DAB1: variants seen among roughly 807,000 people sequenced by gnomAD.
DAB1 encodes DAB adaptor protein 1, also known as disabled homolog 1.
In DAB1, 15 loss-of-function variants were observed where a neutral mutation model predicts 64.6. That is an observed-to-expected ratio of 0.23 (90% CI 0.16 to 0.36). The LOEUF (loss-of-function observed/expected upper bound fraction) is 0.36, where lower values mean the gene tolerates loss of function less well. Ranked by LOEUF, DAB1 falls within the 10% of genes least tolerant of loss-of-function variation. The pLI is 1.00. For synonymous variants in DAB1, 235 were observed against 251.9 expected (o/e 0.93, Z 0.64); for missense variants, 596 against 706.7 (o/e 0.84, Z 1.78).
chr1:57,102,241 C>G (rs901197287), intron 4 of DAB1, among the ~76,000 whole-genome samples: 1 of 152,140 alleles, frequency 6.6e-6, no homozygotes, highest in Non-Finnish European at 1.5e-5. Flanking sequence ...TTTCTCTGAG[C>G]CATCACAAAC....
At chr1:57,638,417 T>C (rs1646086215) in intron 7 of DAB1, among the ~76,000 whole-genome samples, 1 of 152,246 alleles carries the variant, frequency 6.6e-6, no homozygotes, top group African/African-American at 2.4e-5. Flanking sequence ...TGAGATCTGC[T>C]GAGAATGATG....
intron 9 of DAB1, among the ~76,000 whole-genome samples, chr1:57,029,737 G>C (rs1180645246): frequency 6.6e-6 from 1 of 152,190 alleles, no homozygotes; most frequent in Non-Finnish European, 1.5e-5. Context: ...AGACTTGCAT[G>C]GGCCCTGTAA....
At chr1:57,033,503 G>T in intron 9 of DAB1, 1 of 1,612,802 alleles carries the variant, frequency 6.2e-7, no homozygotes, top group Non-Finnish European at 8.5e-7. Flanking sequence ...CAGTTAACCA[G>T]AGAGGGCTGT....
At chr1:57,907,552 T>A (rs1455485860) in intron 5 of DAB1, among the ~76,000 whole-genome samples, 1 of 152,186 alleles carries the variant, frequency 6.6e-6, no homozygotes, top group Non-Finnish European at 1.5e-5. Context: ...GCAATGTATA[T>A]GTATTAGCTG....
At chr1:58,126,514 G>C (rs930138829) in intron 5 of DAB1, among the ~76,000 whole-genome samples, 9 of 149,958 alleles carry the variant, frequency 6.0e-5, no homozygotes, top group African/African-American at 2.2e-4. Flanking sequence ...GTGCAGGTTA[G>C]TTACATATGT....
intron 4 of DAB1, among the ~76,000 whole-genome samples, chr1:58,338,492 A>C (rs1663174908): frequency 6.6e-6 from 1 of 152,222 alleles, no homozygotes; most frequent in Non-Finnish European, 1.5e-5. Flanking sequence ...CTATTATTTA[A>C]GAAATTTCAA....
At chr1:58,123,186 G>A (rs185296330) in intron 5 of DAB1, among the ~76,000 whole-genome samples, 3 of 152,152 alleles carry the variant, frequency 2.0e-5, no homozygotes, top group Non-Finnish European at 4.4e-5. Flanking sequence ...TTAGGCCCAT[G>A]GGGAGAGAAA....
intron 7 of DAB1, among the ~76,000 whole-genome samples, chr1:57,439,425 CT>C (rs71051230): frequency 6.7e-4 from 66 of 97,996 alleles, no homozygotes; most frequent in Middle Eastern, 6.8e-3. Flanking sequence ...GAGGTTTTTT[CT>C]TTTTTTTTTT....
At chr1:57,647,732 T>C (rs1051852037) in intron 7 of DAB1, among the ~76,000 whole-genome samples, 2 of 152,228 alleles carry the variant, frequency 1.3e-5, no homozygotes, top group African/African-American at 4.8e-5. Flanking sequence ...TTTGGCACAT[T>C]GATCTTCTTA....
At chr1:57,299,249 C>T (rs1209026556) in intron 1 of DAB1, among the ~76,000 whole-genome samples, 5 of 152,142 alleles carry the variant, frequency 3.3e-5, no homozygotes, top group African/African-American at 1.2e-4. Flanking sequence ...TTGAATTAAA[C>T]AAACTAATCT....
intron 4 of DAB1, among the ~76,000 whole-genome samples, chr1:58,218,986 CCAT>C (rs1229023873): frequency 1.1e-5 from 1 of 92,816 alleles, no homozygotes; most frequent in Non-Finnish European, 2.0e-5. Flanking sequence ...ATAATTCTGG[CCAT>C]TCTCTCTCTC....
upstream of DAB1, among the ~76,000 whole-genome samples, chr1:57,428,244 A>AT (rs1030789680): frequency 1.1e-4 from 17 of 152,190 alleles, no homozygotes; most frequent in Non-Finnish European, 2.4e-4. Context: ...TCACCATGCT[A>AT]TACATTAGAT....
At chr1:57,426,617 T>C (rs1685295648), upstream of DAB1, among the ~76,000 whole-genome samples, 1 of 152,140 alleles carries the variant, frequency 6.6e-6, no homozygotes, top group South Asian at 2.1e-4. Context: ...AGCAAAGATG[T>C]ATATATTGTT....
At chr1:58,027,714 A>G (rs1448116984) in intron 5 of DAB1, among the ~76,000 whole-genome samples, 1 of 152,196 alleles carries the variant, frequency 6.6e-6, no homozygotes, top group Admixed American at 6.5e-5. Context: ...CAACAACAAT[A>G]ATAATTTCTA....
Position 57,234,617 on chromosome 1 carries a change from C to T in DAB1, c.67+56347G>A, listed in dbSNP as rs182646750. ...AGTCACCACAGATTTGGTAGTTTAA[C>T]ACCCATTTATTGTTTCATAGCTCTG... is the stretch of plus-strand genomic sequence containing the variant. On this transcript the variant is annotated intron_variant, in intron 2 of 14. Coordinates refer to ENST00000371236, the MANE Select transcript of DAB1 (RefSeq NM_001365792.1). 1.8e-3 allele frequency among the ~76,000 whole-genome samples: 272 copies of T among 152,262 alleles called. 4 individuals are homozygous for T. The highest frequency in any genetic ancestry group is 1.6e-4 in the Non-Finnish European group (11 of 68,022).
intron 4 of DAB1, among the ~76,000 whole-genome samples, chr1:58,333,403 G>GT (rs1409471765): frequency 6.6e-6 from 1 of 152,182 alleles, no homozygotes; most frequent in African/African-American, 2.4e-5. Flanking sequence ...GAGAGGAGTT[G>GT]TTAAACAAAT....
At chr1:58,114,657 T>C (rs1652209563) in intron 5 of DAB1, among the ~76,000 whole-genome samples, 1 of 152,234 alleles carries the variant, frequency 6.6e-6, no homozygotes, top group Non-Finnish European at 1.5e-5. Flanking sequence ...ACAGAGACTA[T>C]AAAGCCACAA....
At chr1:57,092,882 TA>T (rs1292153719) in intron 4 of DAB1, among the ~76,000 whole-genome samples, 8 of 152,008 alleles carry the variant, frequency 5.3e-5, no homozygotes, top group African/African-American at 7.2e-5. Flanking sequence ...TAAAAATAAT[TA>T]AAAAATTAAA....
chr1:58,297,881 G>A (rs1372246825), intron 4 of DAB1, among the ~76,000 whole-genome samples: 1 of 152,144 alleles, frequency 6.6e-6, no homozygotes, highest in African/African-American at 2.4e-5. Flanking sequence ...ATTTGGACAA[G>A]GTGCTTGGAG....
Sources: gnomAD v4.1 joint callset for allele counts (sites outside exome capture counted in the v4.1 genomes callset) on GRCh38, gnomAD v4.1.1 for gene constraint, MANE v1.5 for transcripts, NCBI Gene and HGNC (gene_info 2026-07-23, HGNC 2026-07-21) for gene names.